The following PHB2 variants were observed in gnomAD, a reference collection of about 807,000 sequenced individuals.
PHB2 encodes the protein prohibitin 2.
PHB2 carries 22 observed loss-of-function variants against 46.4 expected under a neutral mutation model. The ratio of observed to expected loss-of-function variants is 0.47; its 90% confidence interval spans 0.34 to 0.68. PHB2 has a LOEUF of 0.68. Among genes scored for constraint, PHB2 ranks in the 30% least tolerant of loss-of-function variants. The pLI, the probability that PHB2 is intolerant of heterozygous loss-of-function variation, is 0.01. For missense variants in PHB2, 305 were observed against 382.8 expected (o/e 0.80, Z 1.70); for synonymous variants, 156 against 150.5 (o/e 1.04, Z -0.27).
At chr12:6,970,103 A>G in intron 2 of PHB2, 93 bp downstream of exon 2, 4 of 937,510 alleles carry the variant, frequency 4.3e-6, no homozygotes, top group African/African-American at 1.6e-5. Context: ...GGAAAAGAGC[A>G]GCGTTGAATC....
At chr12:6,970,732 G>C (rs1459628098), upstream of PHB2, 5 of 934,910 alleles carry the variant, frequency 5.3e-6, no homozygotes, top group East Asian at 1.1e-4. Context: ...CGAACTTCGC[G>C]CACAGGAATC....
chr12:6,969,819 A>C (rs1173111715), intron 2 of PHB2: 4 of 507,814 alleles, frequency 7.9e-6, no homozygotes, highest in Admixed American at 6.3e-5. Context: ...GAATCGCTTG[A>C]AATCAGGAGG....
intron 2 of PHB2, 94 bp downstream of exon 2, chr12:6,970,102 C>G (rs1555151762): frequency 1.1e-6 from 1 of 934,956 alleles, no homozygotes; most frequent in African/African-American, 1.6e-5. Flanking sequence ...GGGAAAAGAG[C>G]AGCGTTGAAT....
Position 6,965,403 on chromosome 12 carries a change from TCCTCCCAG to T in PHB2, c.*274_*281del, listed in dbSNP as rs1481966937. 70 of 517,956 alleles carry T rather than the reference TCCTCCCAG, an allele frequency of 1.4e-4. No individual in the cohort carries two copies. In the East Asian group the frequency reaches 1.8e-3, roughly 14 times the overall value. The allele number at this position is 517,956 out of a possible 1,614,324, so 32.1% of individuals were successfully genotyped here. On this transcript the variant is annotated 3_prime_UTR_variant, in exon 10 of 10. Coordinates refer to ENST00000535923, the MANE Select transcript of PHB2 (RefSeq NM_001144831.2). ...GAGAATTCCTGGGTTGGTGTTTATCTCCTCCCAGCCTTGAGGGAGGGAACAACACTGTA... is the reference window on the plus strand; with the variant it reads ...GAGAATTCCTGGGTTGGTGTTTATCTCCTTGAGGGAGGGAACAACACTGTA...
At position 6,970,475 on chromosome 12, in the gene PHB2, C is replaced by T; in HGVS notation, c.69G>A (p.Leu23=). 6.2e-7 allele frequency: 1 copy of T among 1,605,904 alleles called. No individual in the cohort carries two copies. The highest frequency in any genetic ancestry group is 8.5e-7 in the Non-Finnish European group (1 of 1,179,338). Residue 23 remains leucine (L), a synonymous_variant, in exon 1 of 10, where the codon CTG becomes CTA. Coordinates refer to ENST00000535923, the MANE Select transcript of PHB2 (RefSeq NM_001144831.2). ...PAGPRGMGTA[L]KLLLGAGAVA... Reference sequence around the variant, plus strand: ...CGGCGCCGGCCCCCAGCAACAGCTTCAGGGCCGTGCCCATGCCCCGGGGCC... The same window carrying T: ...CGGCGCCGGCCCCCAGCAACAGCTTTAGGGCCGTGCCCATGCCCCGGGGCC...
upstream of PHB2, chr12:6,970,719 A>G (rs1377633579): frequency 4.2e-6 from 4 of 948,746 alleles, no homozygotes; most frequent in East Asian, 1.1e-4. Context: ...CCCACTACGG[A>G]CCCGAACTTC....
upstream of PHB2, chr12:6,970,700 C>T (rs782224419): frequency 1.0e-5 from 10 of 988,492 alleles, no homozygotes; most frequent in South Asian, 1.0e-4. Flanking sequence ...TTGAAACCCT[C>T]CCCCTTAGCC....
chr12:6,965,783 C>T, intron 9 of PHB2, 71 bp from the exon 10 acceptor site: 1 of 1,550,780 alleles, frequency 6.4e-7, no homozygotes, highest in East Asian at 2.3e-5. Flanking sequence ...CACTCTAGGC[C>T]ATTCCCTCTA....
chr12:6,969,567 A>G lies in PHB2; in HGVS notation c.223T>C (p.Phe75Leu). 6.2e-7 allele frequency: 1 copy of G among 1,605,510 alleles called. No homozygotes were observed. The highest frequency in any genetic ancestry group is 8.5e-7 in the Non-Finnish European group (1 of 1,172,854). Residue 75 changes from phenylalanine to leucine, a missense_variant, in exon 3 of 10, where the codon TTC (phenylalanine) becomes CTC (leucine). Around this residue, in one of 3 missense-constraint regions of PHB2, gnomAD observed 241 missense variants for 302.7 expected, o/e 0.80. Coordinates refer to ENST00000535923, the MANE Select transcript of PHB2 (RefSeq NM_001144831.2). The stretch of plus-strand genomic sequence containing the variant: ...ATGTCATAGATAATGGGGTACTGGA[A>G]CCAAGGGATCCTGGAGAGGACAGGG... ...AEGLHFRIPW[F>L]QYPIIYDIRA...
rs1374585312 is a variant in PHB2, at chr12:6,969,591, G to C, written c.213-14C>G. The C allele has an allele frequency of 3.9e-6, 6 of 1,552,652 alleles. No individual in the cohort carries two copies. Among genetic ancestry groups the C allele is most frequent in the African/African-American group, 1.4e-5 (1 of 73,542 alleles). ...AACCAAGGGATCCTGGAGAGGACAG[G>C]GATAGGTATTAAGAGGCCACAGTTT... On this transcript the variant is annotated splice_polypyrimidine_tract_variant and intron_variant, in intron 2 of 9. Transcript: ENST00000535923.
Position 6,967,729 on chromosome 12 carries a change from C to G in PHB2, c.658G>C (p.Glu220Gln), listed in dbSNP as rs2138303461. Residue 220 changes from glutamate (E) to glutamine (Q), a missense_variant, in exon 6 of 10, where the codon GAA (glutamate) becomes CAA (glutamine). Transcript: ENST00000535923. The surrounding 1 kb of genome is among the most constrained non-coding windows in gnomAD (Gnocchi z 4.9). The stretch of plus-strand genomic sequence containing the variant: ...GCCTGCACAATTTTCTGCCGCTGTT[C>G]CTGCTTTGCTTTTTCTACCAAGAAT... ...AQFLVEKAKQEQRQKIVQAEG... is the reference protein window; with the variant it reads ...AQFLVEKAKQQQRQKIVQAEG... The G allele has an allele frequency of 1.9e-6, 3 of 1,613,974 alleles. No homozygotes were observed. The South Asian group carries it at 3.3e-5, about 18-fold the overall frequency.
chr12:6,970,676 G>A (rs1466407573), upstream of PHB2: 11 of 1,135,322 alleles, frequency 9.7e-6, no homozygotes, highest in South Asian at 3.1e-5. Context: ...AAGGGCAGCG[G>A]AAGTGCGCTC....
chr12:6,970,643 G>T lies in PHB2; in HGVS notation c.-100C>A. 7.3e-7 allele frequency: 1 copy of T among 1,367,048 alleles called. No individual in the cohort carries two copies. The highest frequency in any genetic ancestry group is 9.9e-7 in the Non-Finnish European group (1 of 1,013,046). The allele number at this position is 1,367,048 out of a possible 1,614,324, so 84.7% of individuals were successfully genotyped here. On this transcript the variant is annotated 5_prime_UTR_variant, in exon 1 of 10. Coordinates refer to ENST00000535923, the MANE Select transcript of PHB2 (RefSeq NM_001144831.2). The stretch of plus-strand genomic sequence containing the variant: ...TACTGCACCCTTCACACGAGGGTTC[G>T]GGCCCGTAAGGCTGGCGAAAGAAAG...
intron 9 of PHB2, 44 bp downstream of exon 9, chr12:6,965,867 G>C: frequency 6.3e-7 from 1 of 1,598,172 alleles, no homozygotes; most frequent in Non-Finnish European, 8.5e-7. Flanking sequence ...GCGGGTACTG[G>C]AGAAGGTGGC....
chr12:6,969,663 G>T, intron 2 of PHB2, 86 bp from the exon 3 acceptor site: 1 of 716,896 alleles, frequency 1.4e-6, no homozygotes, highest in Non-Finnish European at 2.5e-6. Context: ...ACTTTGGGAG[G>T]CCGAGGCGGG....
chr12:6,969,876 G>C, intron 2 of PHB2: 1 of 569,532 alleles, frequency 1.8e-6, no homozygotes, highest in Admixed American at 2.6e-5. Context: ...TCCAGCCTGG[G>C]CGACAGAGCA....
intron 7 of PHB2, among the ~76,000 whole-genome samples, chr12:6,966,893 C>T (rs1253396645): frequency 2.6e-5 from 4 of 152,294 alleles, no homozygotes; most frequent in Non-Finnish European, 5.9e-5. Context: ...TATAGCTAAA[C>T]GCCACCACAG....
At chr12:6,968,662 G>A in intron 3 of PHB2, 67 bp from the exon 4 acceptor site, 1 of 1,251,544 alleles carries the variant, frequency 8.0e-7, no homozygotes, top group East Asian at 2.4e-5. Context: ...TCTCCTTCAT[G>A]TTCCTCCCTG....
rs782517585 is a variant in PHB2 at position 6,970,286 on chromosome 12, G to C, written c.128-6C>G. The C allele has an allele frequency of 6.8e-6, 11 of 1,612,824 alleles. No homozygotes were observed. Among genetic ancestry groups the C allele is most frequent in the Non-Finnish European group, 6.8e-6 (8 of 1,179,524 alleles). ...GGCTCTGTGCCCGCCTTCCACTGTG[G>C]GGAGATGGGTGGTGATCAGGCCAGG... On this transcript the variant is annotated splice_region_variant and splice_polypyrimidine_tract_variant and intron_variant, in intron 1 of 9. Transcript: ENST00000535923.
Sources: allele counts gnomAD v4.1 joint callset (sites outside exome capture counted in the v4.1 genomes callset), GRCh38; gene constraint gnomAD v4.1.1; regional missense constraint gnomAD v4.1.1; non-coding constraint Gnocchi (gnomAD v3.1); transcripts MANE v1.5; gene names NCBI Gene and HGNC (gene_info 2026-07-23, HGNC 2026-07-21).